Variants in UNC13C observed in about 807,000 individuals in gnomAD.
UNC13C encodes unc-13 homolog C.
UNC13C carries 174 observed loss-of-function variants against 245.4 expected under a neutral mutation model. That is an observed-to-expected ratio of 0.71 (90% CI 0.63 to 0.80). UNC13C has a LOEUF of 0.80. UNC13C is among the 30% of genes least tolerant of loss of function. The probability of loss-of-function intolerance (pLI) is 0.00; values close to 1 mark genes in which losing one functional copy is unlikely to be tolerated. For synonymous variants in UNC13C, 992 were observed against 895.1 expected (o/e 1.11, Z -1.93); for missense variants, 2,829 against 2,602.9 (o/e 1.09, Z -1.89).
At chr15:53,954,995 G>A in the UNC13C span, among the ~76,000 whole-genome samples, 2 of 152,104 alleles carry the variant, frequency 1.3e-5, no homozygotes, top group Non-Finnish European at 2.9e-5. Flanking sequence ...GAGCTGGCTA[G>A]GACGTATGAA....
chr15:54,344,085 T>A (rs547915930), intron 17 of UNC13C, among the ~76,000 whole-genome samples: 12 of 152,244 alleles, frequency 7.9e-5, no homozygotes, highest in African/African-American at 2.2e-4. Flanking sequence ...GAAACTAACA[T>A]GGAAGTTCGA....
At chr15:54,116,792 C>T (rs2030279738) in intron 2 of UNC13C, among the ~76,000 whole-genome samples, 1 of 152,040 alleles carries the variant, frequency 6.6e-6, no homozygotes. Context: ...GAGTTTATAT[C>T]TAGTAATGGA....
the UNC13C span, among the ~76,000 whole-genome samples, chr15:53,862,523 C>A: frequency 6.6e-6 from 1 of 152,070 alleles, no homozygotes; most frequent in African/African-American, 2.4e-5. Context: ...TGCTATTATT[C>A]TATCAGACTT....
intron 30 of UNC13C, among the ~76,000 whole-genome samples, chr15:54,620,374 A>G (rs1185697435): frequency 6.6e-6 from 1 of 152,136 alleles, no homozygotes; most frequent in Non-Finnish European, 1.5e-5. Flanking sequence ...TTTTAGGCAC[A>G]TTTCCTTAGA....
the UNC13C span, among the ~76,000 whole-genome samples, chr15:53,937,875 C>A: frequency 6.6e-6 from 1 of 151,958 alleles, no homozygotes; most frequent in Non-Finnish European, 1.5e-5. Context: ...TGAGAGGTCC[C>A]GAAGGAAGAA....
intron 8 of UNC13C, among the ~76,000 whole-genome samples, chr15:54,251,443 C>T (rs1596085514): frequency 6.6e-6 from 1 of 152,282 alleles, no homozygotes; most frequent in Middle Eastern, 3.4e-3. Context: ...GGTAGATGCT[C>T]CATAAATATT....
intron 27 of UNC13C, 113 bp downstream of exon 27, chr15:54,546,958 G>T: frequency 1.0e-6 from 1 of 979,418 alleles, no homozygotes; most frequent in Non-Finnish European, 1.5e-6. Flanking sequence ...AAAAGTGTTT[G>T]GTATCCAGTT....
intron 30 of UNC13C, among the ~76,000 whole-genome samples, chr15:54,574,434 A>T (rs984919627): frequency 1.3e-5 from 2 of 152,234 alleles, no homozygotes; most frequent in Non-Finnish European, 2.9e-5. Flanking sequence ...CAACTATTTC[A>T]TGATACCAAG....
chr15:54,009,755 C>T (rs1895299949), intron 1 of UNC13C, among the ~76,000 whole-genome samples: 1 of 152,094 alleles, frequency 6.6e-6, no homozygotes, highest in South Asian at 2.1e-4. Context: ...CCAACTTGGC[C>T]AGGATGATCT....
chr15:54,277,494 G>C (rs1213119644), intron 10 of UNC13C, among the ~76,000 whole-genome samples: 2 of 152,150 alleles, frequency 1.3e-5, no homozygotes, highest in East Asian at 3.8e-4. Context: ...CATTTGGCAT[G>C]ACTTTTCACT....
chr15:54,029,950 A>G (rs1011893603), intron 2 of UNC13C, among the ~76,000 whole-genome samples: 28 of 152,140 alleles, frequency 1.8e-4, no homozygotes, highest in African/African-American at 6.5e-4. Flanking sequence ...CTCAACCAGT[A>G]AAGGACAGCA....
chr15:54,001,284 G>C (rs1488006755), intron 1 of UNC13C, among the ~76,000 whole-genome samples: 1 of 152,220 alleles, frequency 6.6e-6, no homozygotes, highest in Non-Finnish European at 1.5e-5. Flanking sequence ...ATACAGTATA[G>C]TAAGGGTGTT....
At chr15:54,445,560 T>C (rs2140997280) in intron 19 of UNC13C, among the ~76,000 whole-genome samples, 1 of 152,342 alleles carries the variant, frequency 6.6e-6, no homozygotes, top group East Asian at 1.9e-4. Context: ...TGATGAGCAA[T>C]TTTTCATGTG....
chr15:54,270,054 A>G, intron 10 of UNC13C, among the ~76,000 whole-genome samples: 1 of 152,170 alleles, frequency 6.6e-6, no homozygotes, highest in East Asian at 1.9e-4. Context: ...TCTTTCTGTC[A>G]TCAGTTTCCT....
chr15:53,971,016 C>G, the UNC13C span, among the ~76,000 whole-genome samples: 3 of 152,126 alleles, frequency 2.0e-5, no homozygotes, highest in East Asian at 1.9e-4. Context: ...CTTGCCAATA[C>G]TTATTTTCTC....
At chr15:54,275,150 T>C (rs2036799247) in intron 10 of UNC13C, among the ~76,000 whole-genome samples, 1 of 152,070 alleles carries the variant, frequency 6.6e-6, no homozygotes, top group African/African-American at 2.4e-5. Context: ...TCAGATTGAA[T>C]AAAAAAGCAA....
At position 54,019,915 on chromosome 15, in the gene UNC13C, G is replaced by C. The variant is rs8035784; in HGVS notation, c.2983+4029G>C. 2.0e-3 allele frequency among the ~76,000 whole-genome samples: 304 copies of C among 152,238 alleles called. 4 individuals are homozygous for C. The highest frequency in any genetic ancestry group is 7.1e-3 in the African/African-American group (296 of 41,538). On this transcript the variant is annotated intron_variant, in intron 2 of 32. Coordinates refer to ENST00000260323, the MANE Select transcript of UNC13C (RefSeq NM_001080534.3). ...TTTCACAGATTATTGTGACTTGGTGGTCCTACAACGGGGCCAGGCATATGC... is the reference window on the plus strand; with the variant it reads ...TTTCACAGATTATTGTGACTTGGTGCTCCTACAACGGGGCCAGGCATATGC...
At chr15:54,061,200 A>C (rs535245844) in intron 2 of UNC13C, among the ~76,000 whole-genome samples, 1 of 152,266 alleles carries the variant, frequency 6.6e-6, no homozygotes, top group South Asian at 2.1e-4. Flanking sequence ...AGCAACCTTT[A>C]TGTAACAACT....
chr15:54,470,467 C>T (rs948402972), intron 19 of UNC13C, among the ~76,000 whole-genome samples: 6 of 151,428 alleles, frequency 4.0e-5, no homozygotes, highest in Admixed American at 6.6e-5. Flanking sequence ...GTGATTCAGT[C>T]TTGGTAGGTT....
Sources: gnomAD v4.1 joint callset for allele counts (sites outside exome capture counted in the v4.1 genomes callset) on GRCh38, gnomAD v4.1.1 for gene constraint, MANE v1.5 for transcripts, NCBI Gene and HGNC (gene_info 2026-07-23, HGNC 2026-07-21) for gene names.